Variants in GLG1 observed in about 807,000 individuals in gnomAD.
The protein encoded by GLG1 is golgi glycoprotein 1.
Under a neutral mutation model 160.5 loss-of-function variants are expected in GLG1, and 38 were observed. The ratio of observed to expected loss-of-function variants is 0.24; its 90% CI spans 0.18 to 0.31. GLG1 has a LOEUF of 0.31. Ranked by LOEUF, GLG1 falls within the 10% of genes least tolerant of loss-of-function variation. GLG1 has a pLI of 1.00. For synonymous variants in GLG1, 644 were observed against 543.4 expected (o/e 1.19, Z -2.57); for missense variants, 1,373 against 1,505.2 (o/e 0.91, Z 1.45).
rs530844658 is a variant in GLG1 at position 74,575,550 on chromosome 16, AACCAACTGTAAC to A, written c.438+31095_438+31106del. ...TAGAACTCAACCAAACCAAACATAC[AACCAACTGTAAC>A]ACCAAAATACAGCCTCAAAGATCTC... On this transcript the variant is annotated intron_variant, in intron 1 of 25. Coordinates refer to ENST00000422840, the MANE Select transcript of GLG1 (RefSeq NM_001145667.2). 1.5e-3 allele frequency among the ~76,000 whole-genome samples: 222 copies of A among 152,254 alleles called. 1 individual carries two copies. The South Asian group carries it at 0.016, about 11-fold the overall frequency.
rs183188350 is a variant in GLG1, at chr16:74,591,263, G to A, written c.438+15394C>T. ...GAAGAATCACTTGAACCCGGGAGGCGGAGGCTGCCGTGAGCCAACATCGTG... is the reference window on the plus strand; with the variant it reads ...GAAGAATCACTTGAACCCGGGAGGCAGAGGCTGCCGTGAGCCAACATCGTG... On this transcript the variant is annotated intron_variant, in intron 1 of 25. Coordinates refer to ENST00000422840, the MANE Select transcript of GLG1 (RefSeq NM_001145667.2). 6.2e-3 allele frequency among the ~76,000 whole-genome samples: 950 copies of A among 152,024 alleles called. 6 individuals carry two copies. Among genetic ancestry groups the A allele is most frequent in the Middle Eastern group, 0.01 (3 of 294 alleles).
At chr16:74,566,741 C>T (rs185359622) in intron 1 of GLG1, among the ~76,000 whole-genome samples, 7 of 152,208 alleles carry the variant, frequency 4.6e-5, no homozygotes, top group Admixed American at 1.3e-4. Context: ...AGAGTCAAGA[C>T]CATTCCCAAC....
intron 8 of GLG1, among the ~76,000 whole-genome samples, chr16:74,490,688 T>C (rs1012007449): frequency 1.3e-5 from 2 of 152,242 alleles, no homozygotes; most frequent in South Asian, 2.1e-4. Context: ...CTGGTTTGCC[T>C]TGATTCTGAG....
intron 5 of GLG1, among the ~76,000 whole-genome samples, chr16:74,495,855 C>T (rs1421158434): frequency 1.3e-5 from 2 of 152,204 alleles, no homozygotes; most frequent in African/African-American, 2.4e-5. Flanking sequence ...GTTCAGTCAT[C>T]AAGGTTGAGC....
chr16:74,544,324 T>G (rs1009200040), intron 1 of GLG1, among the ~76,000 whole-genome samples: 1 of 152,210 alleles, frequency 6.6e-6, no homozygotes, highest in East Asian at 1.9e-4. Context: ...TTTTGTTTTG[T>G]TGTTTTGAGA....
chr16:74,469,168 T>TG, intron 16 of GLG1, 105 bp from the exon 17 acceptor site: 1 of 747,378 alleles, frequency 1.3e-6, no homozygotes. Flanking sequence ...AGATGCCCTT[T>TG]GGGGGAATGT....
chr16:74,470,092 G>C lies in GLG1; in HGVS notation c.2230-19C>G, dbSNP rs1405034144. On this transcript the variant is annotated intron_variant, in intron 15 of 25. Coordinates refer to ENST00000422840, the MANE Select transcript of GLG1 (RefSeq NM_001145667.2). ...TCTGCACCTGAAAGGTAAAGAGAAA[G>C]AAAGTCAGAAGTTTTGTGGCAACTT... 5 of 1,528,462 alleles carry C rather than the reference G, an allele frequency of 3.3e-6. No individual in the cohort carries two copies. The highest frequency in any genetic ancestry group is 2.7e-5 in the African/African-American group (2 of 73,282). 94.7% of individuals were successfully genotyped at this position (1,528,462 alleles called of 1,614,324 possible).
rs766553494 is a variant in GLG1 at position 74,518,235 on chromosome 16, TA to T, written c.472-9311del. ...ATATGGAGCCAAAAAAGAGCTAGCA[TA>T]GCCAAGAAAATCTTGGGCAAGAAGC... On this transcript the variant is annotated intron_variant, in intron 2 of 25. Coordinates refer to ENST00000422840, the MANE Select transcript of GLG1 (RefSeq NM_001145667.2). 1.4e-4 allele frequency among the ~76,000 whole-genome samples: 21 copies of T among 152,240 alleles called. 1 individual carries two copies. Among genetic ancestry groups the T allele is most frequent in the Admixed American group, 1.4e-3 (21 of 15,270 alleles).
chr16:74,537,154 A>G (rs1490747416), intron 1 of GLG1, among the ~76,000 whole-genome samples: 11 of 152,222 alleles, frequency 7.2e-5, no homozygotes, highest in Non-Finnish European at 2.9e-5. Context: ...TAAGTAAACT[A>G]TTATAAACAG....
intron 1 of GLG1, among the ~76,000 whole-genome samples, chr16:74,559,940 G>A (rs2018461182): frequency 6.6e-6 from 1 of 152,174 alleles, no homozygotes; most frequent in South Asian, 2.1e-4. Context: ...GTTCCCATAT[G>A]CCTTCTCATT....
chr16:74,486,109 C>A (rs552470208), intron 8 of GLG1, among the ~76,000 whole-genome samples, 192 bp from the exon 9 acceptor site: 3 of 152,284 alleles, frequency 2.0e-5, no homozygotes, highest in African/African-American at 7.2e-5. Flanking sequence ...ACCTTGACTG[C>A]AGGTTTTTCT....
At chr16:74,533,806 G>A (rs2017612306) in intron 1 of GLG1, among the ~76,000 whole-genome samples, 1 of 152,138 alleles carries the variant, frequency 6.6e-6, no homozygotes, top group Non-Finnish European at 1.5e-5. Context: ...TTTATTTTGA[G>A]TTTCCATAGT....
At chr16:74,530,679 C>T (rs991263556) in intron 2 of GLG1, among the ~76,000 whole-genome samples, 1 of 151,356 alleles carries the variant, frequency 6.6e-6, no homozygotes, top group Non-Finnish European at 1.5e-5. Context: ...ACTTTGTTAC[C>T]CAGGCTGCAG....
At position 74,542,716 on chromosome 16, in the gene GLG1, G is replaced by GGAAGGGAGGAAGGAA. The variant is rs752290157; in HGVS notation, c.439-10564_439-10563insTTCCTTCCTCCCTTC. On this transcript the variant is annotated intron_variant, in intron 1 of 25. Coordinates refer to ENST00000422840, the MANE Select transcript of GLG1 (RefSeq NM_001145667.2). ...AAGGAGGGAGGGAGGAAGGGAAGAA[G>GGAAGGGAGGAAGGAA]GGAAGGAAGGAAGGAAGGGAGGAAG... 7.1e-4 allele frequency among the ~76,000 whole-genome samples: 21 copies of GGAAGGGAGGAAGGAA among 29,780 alleles called. 4 individuals are homozygous for GGAAGGGAGGAAGGAA. The highest frequency in any genetic ancestry group is 2.9e-3 in the Admixed American group (6 of 2,034). The allele number at this position is 29,780 out of a possible 152,430, so 19.5% of individuals were successfully genotyped here. A position where few individuals can be genotyped will look rare whatever the true frequency, so the allele number is the denominator to read the frequency against.
rs201693911 is a variant in GLG1 at position 74,529,809 on chromosome 16, G to GTTTTTTTTTTTTTTTTTTT, written c.471+2311_471+2312insAAAAAAAAAAAAAAAAAAA. Among the ~76,000 whole-genome samples, 3 of 104,104 alleles carry GTTTTTTTTTTTTTTTTTTT rather than the reference G, an allele frequency of 2.9e-5. 1 individual carries two copies. The allele number at this position is 104,104 out of a possible 152,430, so 68.3% of individuals were successfully genotyped here. A position where few individuals can be genotyped will look rare whatever the true frequency, so the allele number is the denominator to read the frequency against. The stretch of plus-strand genomic sequence containing the variant: ...CTTCCTATTCCTTGGCTCTTTGAGA[G>GTTTTTTTTTTTTTTTTTTT]TTCTTTTTTTTTTTTTTTTTTTTTT... On this transcript the variant is annotated intron_variant, in intron 2 of 25. Transcript: ENST00000422840.
At chr16:74,512,960 C>T (rs1353797838) in intron 2 of GLG1, among the ~76,000 whole-genome samples, 1 of 151,974 alleles carries the variant, frequency 6.6e-6, no homozygotes, top group African/African-American at 2.4e-5. Flanking sequence ...GGAGATTGGG[C>T]TTCTAAGTGT....
chr16:74,550,176 A>G (rs1296797821), intron 1 of GLG1, among the ~76,000 whole-genome samples: 4 of 152,108 alleles, frequency 2.6e-5, no homozygotes, highest in Non-Finnish European at 5.9e-5. Flanking sequence ...CTTAAGGGGC[A>G]CTAAAATACT....
At chr16:74,531,104 T>C (rs954774938) in intron 2 of GLG1, among the ~76,000 whole-genome samples, 1 of 152,212 alleles carries the variant, frequency 6.6e-6, no homozygotes, top group African/African-American at 2.4e-5. Flanking sequence ...TTGTGTCATA[T>C]TTAGAAAAGC....
intron 2 of GLG1, among the ~76,000 whole-genome samples, chr16:74,525,737 G>T (rs1332231291): frequency 6.7e-6 from 1 of 148,982 alleles, no homozygotes; most frequent in East Asian, 1.9e-4. Flanking sequence ...AAGAGTTTTT[G>T]TATGATCTCA....
Sources: allele counts gnomAD v4.1 joint callset (sites outside exome capture counted in the v4.1 genomes callset), GRCh38; gene constraint gnomAD v4.1.1; transcripts MANE v1.5; gene names NCBI Gene and HGNC (gene_info 2026-07-23, HGNC 2026-07-21).